The following RELN variants were observed in gnomAD, a reference collection of about 807,000 sequenced individuals.
RELN encodes reelin.
Under a neutral mutation model 427.6 loss-of-function variants are expected in RELN, and 108 were observed. That is an observed-to-expected ratio of 0.25 (90% CI 0.22 to 0.30). The LOEUF is 0.30. Among genes scored for constraint, RELN ranks in the 10% least tolerant of loss-of-function variants. The pLI is 1.00. For missense variants in RELN, 3,715 were observed against 4,302.8 expected, an observed-to-expected ratio of 0.86 and a Z score of 3.82; for synonymous variants, 1,524 against 1,513.4, an observed-to-expected ratio of 1.01 and a Z score of -0.16.
At position 103,498,269 on chromosome 7, in the gene RELN, C is replaced by T. The variant is rs1309138411; in HGVS notation, c.8668-17G>A. 1 of 1,609,768 alleles carries T rather than the reference C, an allele frequency of 6.2e-7. No homozygotes were observed. The highest frequency in any genetic ancestry group is 1.3e-5 in the African/African-American group (1 of 74,686). On this transcript the variant is annotated splice_polypyrimidine_tract_variant and intron_variant, in intron 53 of 64. Transcript: ENST00000428762. ...CAGGAAAGTCTGGAAATAAAATAAG[C>T]CAGATGTGGTTAAAAAAACAATTTC...
chr7:103,624,340 T>TG (rs1260460799), intron 20 of RELN, among the ~76,000 whole-genome samples: 1 of 152,186 alleles, frequency 6.6e-6, no homozygotes, highest in African/African-American at 2.4e-5. Flanking sequence ...TCACGCCACC[T>TG]GGGGCTGGTG....
intron 50 of RELN, among the ~76,000 whole-genome samples, chr7:103,514,484 A>AC (rs1829509178): frequency 6.6e-6 from 1 of 152,122 alleles, no homozygotes; most frequent in Non-Finnish European, 1.5e-5. Context: ...ACATGGTGAA[A>AC]CCCCATCTCT....
Position 103,557,018 on chromosome 7 carries a change from G to A in RELN, c.5756C>T (p.Thr1919Ile). ...CCAGAGTCTGAATCTTGTAGCATTG[G>A]TTTGGGCAGTGTATGGCAAGGGAAC... is the stretch of plus-strand genomic sequence containing the variant. ...INVPLPYTAQ[T>I]NATRFRLWQP... The change falls in exon 38 of 65, where the codon ACC becomes ATC. Residue 1919 changes from threonine to isoleucine, a missense_variant. Thr to Ile is a moderately conservative substitution (Grantham distance 89, BLOSUM62 -1). Around this residue, in one of 4 missense-constraint regions of RELN, gnomAD observed 2,208 missense variants for 2,361.7 expected, o/e 0.93. Coordinates refer to ENST00000428762, the MANE Select transcript of RELN (RefSeq NM_005045.4). 6.2e-7 allele frequency: 1 copy of A among 1,613,830 alleles called. No homozygotes were observed.
intron 2 of RELN, among the ~76,000 whole-genome samples, chr7:103,866,877 A>T (rs958344033): frequency 2.0e-5 from 3 of 152,068 alleles, no homozygotes; most frequent in Non-Finnish European, 4.4e-5. Context: ...CTACCCTGAC[A>T]TACATACTCT....
Position 103,626,230 on chromosome 7 carries a change from T to C in RELN, c.2702+3710A>G, listed in dbSNP as rs1273082498. ...GGCTTTAATTTTACAAGCTTCTAAG[T>C]GGCAGTGTGAGAATTTGAAATCAGG... On this transcript the variant is annotated intron_variant, in intron 20 of 64. Coordinates refer to ENST00000428762, the MANE Select transcript of RELN (RefSeq NM_005045.4). This position sits in a 1 kb window ranked among gnomAD's most constrained non-coding sequence, Gnocchi z 4.4. Among the ~76,000 whole-genome samples, 4 of 152,172 alleles carry C rather than the reference T, an allele frequency of 2.6e-5. No individual in the cohort carries two copies. The highest frequency in any genetic ancestry group is 7.2e-5 in the African/African-American group (3 of 41,454).
chr7:103,969,286 G>A (rs1037695119), intron 1 of RELN, among the ~76,000 whole-genome samples: 1 of 152,118 alleles, frequency 6.6e-6, no homozygotes. Context: ...GGCCCATTCT[G>A]GTTTGTATAC....
chr7:103,751,568 T>C (rs1479836140), intron 5 of RELN, among the ~76,000 whole-genome samples: 2 of 152,226 alleles, frequency 1.3e-5, no homozygotes, highest in African/African-American at 4.8e-5. Context: ...ATGGGAGTGA[T>C]TTAATGATTC....
rs753289916 is a variant in RELN, at chr7:103,650,353, G to A, written c.1923C>T (p.Asn641=). The A allele has an allele frequency of 1.2e-5, 19 of 1,612,410 alleles. No individual in the cohort carries two copies. In the South Asian group the frequency reaches 1.5e-4, roughly 13 times the overall value. ...GWNRITIPLP[N]AALTRNTRIR... The stretch of plus-strand genomic sequence containing the variant: ...TCCTGGTGTTCCGGGTTAGTGCTGC[G>A]TTAGGAAGGGGAATTGTTATTCGGT... Residue 641 remains asparagine, a synonymous_variant, in exon 16 of 65, where the codon AAC becomes AAT. Coordinates refer to ENST00000428762, the MANE Select transcript of RELN (RefSeq NM_005045.4).
intron 4 of RELN, among the ~76,000 whole-genome samples, chr7:103,771,542 G>C (rs995994427): frequency 6.6e-6 from 1 of 152,174 alleles, no homozygotes; most frequent in African/African-American, 2.4e-5. Flanking sequence ...GGCTGCTGGA[G>C]AACTCTGCAA....
chr7:103,511,753 G>A, intron 50 of RELN, among the ~76,000 whole-genome samples: 1 of 152,120 alleles, frequency 6.6e-6, no homozygotes, highest in East Asian at 1.9e-4. Flanking sequence ...AGCTACTTAG[G>A]AGGCTGCTTG....
In RELN at chr7:103,824,834, T is replaced by G. The variant is rs1793096029; in HGVS notation, c.473+8703A>C. Among the ~76,000 whole-genome samples, 1 of 152,080 alleles carries G rather than the reference T, an allele frequency of 6.6e-6. No homozygotes were observed. The highest frequency in any genetic ancestry group is 2.4e-5 in the African/African-American group (1 of 41,414). ...AATATTTTGTTTATGTCACTTAATA[T>G]TCCAAGCATCTCTCATTGCTATACT... On this transcript the variant is annotated intron_variant, in intron 3 of 64. Coordinates refer to ENST00000428762, the MANE Select transcript of RELN (RefSeq NM_005045.4). This position sits in a 1 kb window ranked among gnomAD's most constrained non-coding sequence, Gnocchi z 4.4.
At chr7:103,706,724 G>A (rs2115825605) in intron 8 of RELN, among the ~76,000 whole-genome samples, 1 of 151,824 alleles carries the variant, frequency 6.6e-6, no homozygotes, top group South Asian at 2.1e-4. Flanking sequence ...TTCTACTCAG[G>A]CTCATGACTC....
intron 6 of RELN, among the ~76,000 whole-genome samples, chr7:103,741,995 G>C (rs999843565): frequency 1.3e-5 from 2 of 152,236 alleles, no homozygotes; most frequent in East Asian, 3.9e-4. Flanking sequence ...CCACCGAGGA[G>C]CCTAACTGGG....
In RELN at chr7:103,773,374, C is replaced by CCTCCCTCTCT. The variant is rs1791648026; in HGVS notation, c.544+3182_544+3183insAGAGAGGGAG. Among the ~76,000 whole-genome samples the CCTCCCTCTCT allele has an allele frequency of 1.5e-4, 2 of 13,754 alleles. 1 individual carries two copies. The highest frequency in any genetic ancestry group is 1.3e-3 in the African/African-American group (2 of 1,524). The allele number at this position is 13,754 out of a possible 152,430, so 9.0% of individuals were successfully genotyped here. A position where few individuals can be genotyped will look rare whatever the true frequency, so the allele number is the denominator to read the frequency against. ...CTCTCTCCCTCTCTCTCTCTCCCTC[C>CCTCCCTCTCT]CTCCCTCCCTCCCTCGCTCCCTCCC... is the stretch of plus-strand genomic sequence containing the variant. On this transcript the variant is annotated intron_variant, in intron 4 of 64. Transcript: ENST00000428762.
intron 3 of RELN, among the ~76,000 whole-genome samples, chr7:103,782,080 C>A (rs966587489): frequency 6.6e-6 from 1 of 152,012 alleles, no homozygotes; most frequent in African/African-American, 2.4e-5. Flanking sequence ...CCAACAAGAG[C>A]CCCTATTAAC....
chr7:103,650,745 C>T (rs570219362), intron 15 of RELN, among the ~76,000 whole-genome samples: 5 of 152,202 alleles, frequency 3.3e-5, no homozygotes, highest in African/African-American at 1.2e-4. Context: ...CCTGCCTCAG[C>T]CTCCTGAGTA....
intron 31 of RELN, among the ~76,000 whole-genome samples, chr7:103,570,003 T>C (rs1830845037): frequency 6.6e-6 from 1 of 152,248 alleles, no homozygotes; most frequent in South Asian, 2.1e-4. Flanking sequence ...ATCTCTACTT[T>C]CATCACTGGA....
rs2535779 is a variant in RELN, at chr7:103,530,366, T to C, written c.7349+4950A>G. 7.0e-3 allele frequency among the ~76,000 whole-genome samples: 1,073 copies of C among 152,344 alleles called. 15 individuals are homozygous for C. Among genetic ancestry groups the C allele is most frequent in the African/African-American group, 0.023 (977 of 41,576 alleles). On this transcript the variant is annotated intron_variant, in intron 46 of 64. Coordinates refer to ENST00000428762, the MANE Select transcript of RELN (RefSeq NM_005045.4). ...ACTGGGTTTTAATCAATTCTTTCTT[T>C]GAAATGCTCTGTCATATCTGCCTCA...
intron 3 of RELN, among the ~76,000 whole-genome samples, chr7:103,789,474 G>C (rs1187497739): frequency 6.6e-6 from 1 of 151,728 alleles, no homozygotes; most frequent in Non-Finnish European, 1.5e-5. Flanking sequence ...AATATACAAG[G>C]AACTTAAATT....
Sources: gnomAD v4.1 joint callset for allele counts (sites outside exome capture counted in the v4.1 genomes callset) on GRCh38, gnomAD v4.1.1 for gene constraint, gnomAD v4.1.1 regional missense constraint, Gnocchi (gnomAD v3.1) non-coding constraint, MANE v1.5 for transcripts, NCBI Gene and HGNC (gene_info 2026-07-23, HGNC 2026-07-21) for gene names.